PDZRN4: variants seen among roughly 807,000 people sequenced by gnomAD.
PDZRN4 encodes the protein PDZ domain-containing RING finger protein 4.
PDZRN4 carries 70 observed loss-of-function variants against 99.0 expected under a neutral mutation model. The observed-to-expected ratio is 0.71, with a 90% CI of 0.58 to 0.86. The LOEUF is 0.86. PDZRN4 is among the 40% of genes least tolerant of loss of function. PDZRN4 has a pLI of 0.00. For synonymous variants in PDZRN4, 551 were observed against 501.6 expected (o/e 1.10, Z -1.32); for missense variants, 1,474 against 1,331.2 (o/e 1.11, Z -1.67).
At position 41,487,582 on chromosome 12, in the gene PDZRN4, T is replaced by A. The variant is rs1000527028; in HGVS notation, c.844-18874T>A. Among the ~76,000 whole-genome samples the A allele has an allele frequency of 5.3e-5, 8 of 152,338 alleles. 1 individual carries two copies. The highest frequency in any genetic ancestry group is 1.9e-4 in the African/African-American group (8 of 41,584). On this transcript the variant is annotated intron_variant, in intron 3 of 9. Transcript: ENST00000402685. Reference sequence around the variant, plus strand: ...TGAGAACTCTAAAAATATGTTGGCTTCTAAAAATTAGCTAATTATGCAAAG... The same window carrying A: ...TGAGAACTCTAAAAATATGTTGGCTACTAAAAATTAGCTAATTATGCAAAG...
At chr12:41,442,533 G>T (rs1274813272) in intron 3 of PDZRN4, among the ~76,000 whole-genome samples, 6 of 152,092 alleles carry the variant, frequency 3.9e-5, no homozygotes, top group South Asian at 2.1e-4. Context: ...GGACTCACCA[G>T]GATGCCCTGC....
chr12:41,555,930 C>T (rs59767270), intron 7 of PDZRN4, among the ~76,000 whole-genome samples, 170 bp downstream of exon 7: 1 of 151,588 alleles, frequency 6.6e-6, no homozygotes, highest in African/African-American at 2.4e-5. Context: ...TAGGATGGTG[C>T]GATATATTAA....
chr12:41,421,258 G>A (rs1952487581), intron 3 of PDZRN4, among the ~76,000 whole-genome samples: 1 of 152,024 alleles, frequency 6.6e-6, no homozygotes, highest in Non-Finnish European at 1.5e-5. Flanking sequence ...GAGTGCAATG[G>A]CATGATCTCA....
At chr12:41,456,381 C>A (rs1342980135) in intron 3 of PDZRN4, among the ~76,000 whole-genome samples, 2 of 151,998 alleles carry the variant, frequency 1.3e-5, no homozygotes, top group South Asian at 4.1e-4. Flanking sequence ...ACATTTTTCA[C>A]TGCCCTACCT....
chr12:41,303,417 T>C (rs997825311), intron 3 of PDZRN4, among the ~76,000 whole-genome samples: 2 of 152,188 alleles, frequency 1.3e-5, no homozygotes, highest in African/African-American at 4.8e-5. Context: ...TCTCTATCTA[T>C]GAACCATATT....
chr12:41,571,752 T>C (rs941205539), intron 9 of PDZRN4, among the ~76,000 whole-genome samples: 3 of 152,194 alleles, frequency 2.0e-5, no homozygotes, highest in African/African-American at 7.2e-5. Flanking sequence ...ATTAATAACC[T>C]GAATCTGCCA....
chr12:41,232,630 C>G (rs1459855467), intron 3 of PDZRN4, among the ~76,000 whole-genome samples: 1 of 65,550 alleles, frequency 1.5e-5, no homozygotes, highest in Non-Finnish European at 3.2e-5. Context: ...GTTGCCTGTT[C>G]ACTCTGATGG....
chr12:41,492,788 T>C (rs368760119), intron 3 of PDZRN4, among the ~76,000 whole-genome samples: 1 of 152,128 alleles, frequency 6.6e-6, no homozygotes, highest in African/African-American at 2.4e-5. Flanking sequence ...GGATAGCTAT[T>C]TGTAAGCTGC....
In PDZRN4 at chr12:41,194,169, T is replaced by C. The variant is rs747937254; in HGVS notation, c.824T>C (p.Ile275Thr). 1 of 1,507,946 alleles carries C rather than the reference T, an allele frequency of 6.6e-7. No individual in the cohort carries two copies. Among genetic ancestry groups the C allele is most frequent in the South Asian group, 1.1e-5 (1 of 89,028 alleles). 93.4% of individuals were successfully genotyped at this position (1,507,946 alleles called of 1,614,324 possible). Residue 275 changes from isoleucine to threonine, a missense_variant, in exon 3 of 10, where the codon ATT (isoleucine) becomes ACT (threonine). Physicochemically the swap from Ile to Thr is moderately conservative, Grantham distance 89. Coordinates refer to ENST00000402685, the MANE Select transcript of PDZRN4 (RefSeq NM_001164595.2). ...GCTGACAGAGCAGATGGCCTGGAGA[T>C]TCATGACAAAATCATGGAGGTAAGA... ...GPADRADGLEIHDKIMEVNGK... is the reference protein window; with the variant it reads ...GPADRADGLETHDKIMEVNGK...
At chr12:41,288,726 G>A (rs905055086) in intron 3 of PDZRN4, among the ~76,000 whole-genome samples, 15 of 152,088 alleles carry the variant, frequency 9.9e-5, no homozygotes, top group African/African-American at 2.9e-4. Flanking sequence ...TACAATGGCC[G>A]TCGGTTCACC....
intron 3 of PDZRN4, among the ~76,000 whole-genome samples, chr12:41,410,799 G>A (rs573011576): frequency 4.6e-5 from 7 of 152,198 alleles, no homozygotes; most frequent in South Asian, 4.1e-4. Context: ...TTTTCTCACC[G>A]TTGGGTGCAG....
chr12:41,207,497 G>A (rs116175244), intron 3 of PDZRN4, among the ~76,000 whole-genome samples: 3,619 of 151,658 alleles, frequency 0.024, 97 homozygotes, highest in African/African-American at 0.07. Context: ...ATAATGTGGG[G>A]TCATGAACTG....
intron 3 of PDZRN4, among the ~76,000 whole-genome samples, chr12:41,397,192 A>T (rs1035574242): frequency 2.6e-5 from 4 of 152,168 alleles, no homozygotes; most frequent in African/African-American, 9.6e-5. Flanking sequence ...GATTTGTTAA[A>T]TGAATGACAC....
chr12:41,283,089 G>GT (rs35659657), intron 3 of PDZRN4, among the ~76,000 whole-genome samples: 86,318 of 151,278 alleles, frequency 0.57, 26,701 homozygotes, highest in East Asian at 0.71. Flanking sequence ...TCCAGGGGCT[G>GT]TTTTTTTTAA....
At chr12:41,198,353 C>A (rs1270536658) in intron 3 of PDZRN4, among the ~76,000 whole-genome samples, 4 of 152,032 alleles carry the variant, frequency 2.6e-5, no homozygotes, top group African/African-American at 7.2e-5. Context: ...CAGCTCCAGG[C>A]CAATGTTGTT....
At chr12:41,419,059 A>T (rs550797093) in intron 3 of PDZRN4, among the ~76,000 whole-genome samples, 1 of 152,340 alleles carries the variant, frequency 6.6e-6, no homozygotes, top group African/African-American at 2.4e-5. Context: ...ATTATTTTCC[A>T]CAGGAAATGA....
chr12:41,535,512 T>G (rs1017064634), intron 5 of PDZRN4, among the ~76,000 whole-genome samples: 2 of 152,220 alleles, frequency 1.3e-5, no homozygotes, highest in African/African-American at 4.8e-5. Context: ...ACTTTTTTCC[T>G]TTTCACTCAG....
At chr12:41,464,423 G>A (rs1952905823) in intron 3 of PDZRN4, among the ~76,000 whole-genome samples, 1 of 152,184 alleles carries the variant, frequency 6.6e-6, no homozygotes, top group Non-Finnish European at 1.5e-5. Context: ...CCATTCACTG[G>A]AGTCAGTCAT....
At chr12:41,261,925 T>G (rs1248635901) in intron 3 of PDZRN4, among the ~76,000 whole-genome samples, 1 of 152,126 alleles carries the variant, frequency 6.6e-6, no homozygotes, top group Non-Finnish European at 1.5e-5. Flanking sequence ...GAACATGGGA[T>G]GGGGAGAATA....
Sources: gnomAD v4.1 joint callset for allele counts (sites outside exome capture counted in the v4.1 genomes callset) on GRCh38, gnomAD v4.1.1 for gene constraint, MANE v1.5 for transcripts, NCBI Gene and HGNC (gene_info 2026-07-23, HGNC 2026-07-21) for gene names.